The following KIAA2012 variants were observed in gnomAD, a reference collection of about 807,000 sequenced individuals.
The protein encoded by KIAA2012 is KIAA2012, also known as uncharacterized protein KIAA2012.
In KIAA2012, 125 loss-of-function variants were observed where a neutral mutation model predicts 150.6. The observed-to-expected ratio is 0.83, with a 90% confidence interval of 0.72 to 0.96. KIAA2012 has a LOEUF of 0.96. Ranked by LOEUF, KIAA2012 falls within the 40% of genes least tolerant of loss-of-function variation. The pLI, the probability that KIAA2012 is intolerant of heterozygous loss-of-function variation, is 0.00. For missense variants in KIAA2012, 1,219 were observed against 1,354.9 expected (o/e 0.90, Z 1.57); for synonymous variants, 462 against 504.7 (o/e 0.92, Z 1.13).
At chr2:202,204,076 GTTTTTTT>G (rs143485165) in intron 23 of KIAA2012, among the ~76,000 whole-genome samples, 1 of 139,434 alleles carries the variant, frequency 7.2e-6, no homozygotes, top group Non-Finnish European at 1.5e-5. Flanking sequence ...GCGGTTTTTT[GTTTTTTT>G]TTTTTTTTTT....
At chr2:202,096,063 A>G (rs112437638) in intron 4 of KIAA2012, among the ~76,000 whole-genome samples, 2,649 of 152,154 alleles carry the variant, frequency 0.017, 64 homozygotes, top group African/African-American at 0.052. Context: ...CAGCCTGGGC[A>G]ACAGAGTGAG....
chr2:202,073,724 G>A lies in KIAA2012; in HGVS notation c.84+13G>A, dbSNP rs757591386. The A allele has an allele frequency of 5.2e-6, 8 of 1,549,206 alleles. No individual in the cohort carries two copies. The South Asian group carries it at 9.5e-5, about 18-fold the overall frequency. On this transcript the variant is annotated intron_variant, in intron 1 of 23. Coordinates refer to ENST00000498697, the MANE Select transcript of KIAA2012 (RefSeq NM_001277372.4). The stretch of plus-strand genomic sequence containing the variant: ...CTTTGAACCAGAGGTGAGTCCCACA[G>A]CTGAAGAAAGGCACATTTTGGAGGT...
intron 11 of KIAA2012, among the ~76,000 whole-genome samples, chr2:202,119,738 C>T (rs528993194): frequency 3.9e-5 from 6 of 152,124 alleles, no homozygotes; most frequent in African/African-American, 1.2e-4. Flanking sequence ...CACGGTGGCT[C>T]ATGCCTATAA....
chr2:202,160,958 A>G (rs545855407), intron 14 of KIAA2012, among the ~76,000 whole-genome samples: 103 of 152,300 alleles, frequency 6.8e-4, no homozygotes, highest in Middle Eastern at 3.4e-3. Context: ...TCCTCCCAGC[A>G]GCTCCCTAAG....
intron 2 of KIAA2012, among the ~76,000 whole-genome samples, chr2:202,077,348 T>G (rs1312486779): frequency 6.6e-6 from 1 of 152,204 alleles, no homozygotes; most frequent in East Asian, 1.9e-4. Context: ...TTCAGATGCT[T>G]GTCTATAAGG....
chr2:202,199,786 G>C (rs1449914560), intron 22 of KIAA2012, among the ~76,000 whole-genome samples: 1 of 152,098 alleles, frequency 6.6e-6, no homozygotes, highest in Non-Finnish European at 1.5e-5. Flanking sequence ...GGAATTTTGG[G>C]GGACCAAATG....
At chr2:202,182,834 C>G (rs1035598493) in intron 15 of KIAA2012, among the ~76,000 whole-genome samples, 1 of 152,202 alleles carries the variant, frequency 6.6e-6, no homozygotes, top group African/African-American at 2.4e-5. Flanking sequence ...AATCTCAGTA[C>G]AGTCAGTCTT....
chr2:202,172,444 G>A (rs1691912856), intron 15 of KIAA2012, among the ~76,000 whole-genome samples: 1 of 152,232 alleles, frequency 6.6e-6, no homozygotes, highest in Non-Finnish European at 1.5e-5. Context: ...TTTTAAGCCA[G>A]CATGAATCTT....
intron 15 of KIAA2012, among the ~76,000 whole-genome samples, chr2:202,173,932 T>C (rs1208195542): frequency 1.3e-5 from 2 of 152,208 alleles, no homozygotes; most frequent in Non-Finnish European, 2.9e-5. Context: ...AACATCACAC[T>C]TGAATACTTG....
chr2:202,088,056 A>G (rs1689618249), intron 2 of KIAA2012, among the ~76,000 whole-genome samples: 1 of 152,158 alleles, frequency 6.6e-6, no homozygotes, highest in South Asian at 2.1e-4. Context: ...ATTCAGTATT[A>G]TAAGTTGCTA....
intron 14 of KIAA2012, among the ~76,000 whole-genome samples, chr2:202,160,295 T>A (rs947672870): frequency 6.6e-6 from 1 of 151,790 alleles, no homozygotes; most frequent in African/African-American, 2.4e-5. Context: ...CAAGATACTT[T>A]ATGATTTTTC....
At chr2:202,127,948 T>G (rs1353496925) in intron 12 of KIAA2012, among the ~76,000 whole-genome samples, 1 of 152,038 alleles carries the variant, frequency 6.6e-6, no homozygotes, top group Admixed American at 6.6e-5. Flanking sequence ...TTTATACCCA[T>G]TAAACAACTC....
intron 13 of KIAA2012, among the ~76,000 whole-genome samples, chr2:202,150,400 GGTTT>G (rs1360344112): frequency 1.3e-5 from 2 of 151,824 alleles, no homozygotes; most frequent in Admixed American, 6.6e-5. Flanking sequence ...CAGTTTTTTT[GGTTT>G]GTTTGTTTGG....
At chr2:202,155,957 A>C (rs1260763122) in intron 14 of KIAA2012, among the ~76,000 whole-genome samples, 1 of 152,208 alleles carries the variant, frequency 6.6e-6, no homozygotes. Flanking sequence ...AATGTGGGTC[A>C]CTTATCCATA....
chr2:202,101,001 G>A (rs1690029431), intron 7 of KIAA2012, among the ~76,000 whole-genome samples: 1 of 152,160 alleles, frequency 6.6e-6, no homozygotes, highest in Non-Finnish European at 1.5e-5. Context: ...GGTGTTTGGA[G>A]GCACCAGTGA....
At chr2:202,184,680 G>A (rs749185028) in intron 15 of KIAA2012, 73 bp from the exon 16 acceptor site, 18 of 1,070,186 alleles carry the variant, frequency 1.7e-5, no homozygotes, top group Non-Finnish European at 2.2e-5. Context: ...CCAGGTAGAT[G>A]TTTTTCCATG....
In KIAA2012 at chr2:202,201,357, G is replaced by A. The variant is rs140140128; in HGVS notation, c.3408-1072G>A. 301 of 1,584,394 alleles carry A rather than the reference G, an allele frequency of 1.9e-4. 1 individual carries two copies. The African/African-American group carries it at 3.3e-3, about 18-fold the overall frequency. Reference sequence around the variant, plus strand: ...GCTGAAGGTATGTGATGTCTTTCCCGGCACAAAGGTGGCCTTGGTTCCTCA... The same window carrying A: ...GCTGAAGGTATGTGATGTCTTTCCCAGCACAAAGGTGGCCTTGGTTCCTCA... On this transcript the variant is annotated intron_variant, in intron 22 of 23. Coordinates refer to ENST00000498697, the MANE Select transcript of KIAA2012 (RefSeq NM_001277372.4).
Position 202,103,078 on chromosome 2 carries a change from A to C in KIAA2012, c.1288A>C (p.Thr430Pro), listed in dbSNP as rs986011476. 7.1e-6 allele frequency: 11 copies of C among 1,550,498 alleles called. No homozygotes were observed. The highest frequency in any genetic ancestry group is 9.6e-6 in the Non-Finnish European group (11 of 1,147,002). The change falls in exon 8 of 24, where the codon ACC (threonine) becomes CCC (proline). Residue 430 changes from threonine (T) to proline (P), a missense_variant. Thr to Pro is a conservative substitution (Grantham distance 38). Transcript: ENST00000498697. ...CTTACCGGTGGAGATTCATTACCAC[A>C]CCAAACAACCCCCAAAAGAGAAAGC... ...FILPVEIHYH[T>P]KQPPKEKAHR...
At position 202,194,218 on chromosome 2, in the gene KIAA2012, C is replaced by T; in HGVS notation, c.3043C>T (p.Gln1015Ter). ...RLRKQRLQEE[Q>*]QRQEEEERKQ... ...GAGGAAACAGAGACTCCAAGAAGAA[C>T]AGCAGCGGCAGGAGGAGGAGGAGAG... The change falls in exon 21 of 24, where the codon CAG becomes TAG. Residue 1015 changes from glutamine to a stop codon, truncating the protein, a stop_gained. Transcript: ENST00000498697. LOFTEE classifies it high-confidence loss of function. 6.4e-7 allele frequency: 1 copy of T among 1,550,658 alleles called. No individual in the cohort carries two copies. The highest frequency in any genetic ancestry group is 8.7e-7 in the Non-Finnish European group (1 of 1,146,990).
Sources: gnomAD v4.1 joint callset for allele counts (sites outside exome capture counted in the v4.1 genomes callset) on GRCh38, gnomAD v4.1.1 for gene constraint, MANE v1.5 for transcripts, NCBI Gene and HGNC (gene_info 2026-07-23, HGNC 2026-07-21) for gene names.